Variants in ARHGAP35 observed in about 807,000 individuals in gnomAD.
The protein encoded by ARHGAP35 is Rho GTPase activating protein 35.
A neutral mutation model predicts 111.1 loss-of-function variants in ARHGAP35; 15 were observed. The ratio of observed to expected loss-of-function variants is 0.13; its 90% confidence interval spans 0.09 to 0.21. The LOEUF is 0.21. Ranked by LOEUF, ARHGAP35 falls within the 10% of genes least tolerant of loss-of-function variation. The pLI, the probability that ARHGAP35 is intolerant of heterozygous loss-of-function variation, is 1.00. For missense variants in ARHGAP35, 1,262 were observed against 1,873.0 expected (o/e 0.67, Z 6.02); for synonymous variants, 643 against 710.3 (o/e 0.91, Z 1.51).
intron 1 of ARHGAP35, among the ~76,000 whole-genome samples, chr19:46,887,830 T>C (rs954196660): frequency 6.6e-6 from 1 of 152,202 alleles, no homozygotes; most frequent in Non-Finnish European, 1.5e-5. Flanking sequence ...CTTTTCATTC[T>C]TTAGGTCTCT....
At chr19:46,883,756 G>A (rs1033748904) in intron 1 of ARHGAP35, among the ~76,000 whole-genome samples, 3 of 152,048 alleles carry the variant, frequency 2.0e-5, no homozygotes, top group Admixed American at 2.0e-4. Context: ...AAAAGGAATG[G>A]CAATAAAACG....
In ARHGAP35 at chr19:46,925,939, A is replaced by C. The variant is rs867128450; in HGVS notation, c.3681+3583A>C. ...TGGCATGAGGTAAGGAAGGACTTGA[A>C]GGTGGAAATATGCATATTGTATTCC... On this transcript the variant is annotated intron_variant, in intron 2 of 6. Coordinates refer to ENST00000672722, the MANE Select transcript of ARHGAP35 (RefSeq NM_004491.5). Among the ~76,000 whole-genome samples, 3 of 152,338 alleles carry C rather than the reference A, an allele frequency of 2.0e-5. No individual in the cohort carries two copies. In the South Asian group the frequency reaches 6.2e-4, roughly 32 times the overall value.
At chr19:46,980,003 C>T (rs527739935) in intron 3 of ARHGAP35, among the ~76,000 whole-genome samples, 8 of 152,238 alleles carry the variant, frequency 5.3e-5, no homozygotes, top group South Asian at 2.1e-4. Flanking sequence ...AGCGCTTCTG[C>T]GGAGAGACAC....
At chr19:46,878,695 C>A (rs919923255) in intron 1 of ARHGAP35, among the ~76,000 whole-genome samples, 12 of 152,130 alleles carry the variant, frequency 7.9e-5, no homozygotes, top group Admixed American at 2.6e-4. Context: ...GCCTGGAGTG[C>A]AGTGGTGTGG....
At chr19:46,981,434 G>A (rs1236983564) in intron 3 of ARHGAP35, among the ~76,000 whole-genome samples, 2 of 152,212 alleles carry the variant, frequency 1.3e-5, no homozygotes, top group Non-Finnish European at 2.9e-5. Context: ...CGTCTTGGAG[G>A]AAGTATTGAT....
At chr19:46,923,878 G>A (rs1412946265) in intron 2 of ARHGAP35, among the ~76,000 whole-genome samples, 3 of 149,086 alleles carry the variant, frequency 2.0e-5, no homozygotes, top group East Asian at 2.0e-4. Flanking sequence ...CCAAGTTCAC[G>A]ACACTGTATT....
At chr19:46,935,894 ATC>A (rs2056304781) in intron 2 of ARHGAP35, among the ~76,000 whole-genome samples, 1 of 152,208 alleles carries the variant, frequency 6.6e-6, no homozygotes, top group Non-Finnish European at 1.5e-5. Flanking sequence ...GAGGCAGAGT[ATC>A]TCAGTATTAA....
rs1179276818 is a variant in ARHGAP35 at position 46,908,211 on chromosome 19, A to G, written c.-188-10277A>G. On this transcript the variant is annotated intron_variant, in intron 1 of 6. Transcript: ENST00000672722. The surrounding 1 kb of genome is among the most constrained non-coding windows in gnomAD (Gnocchi z 4.2). Reference sequence around the variant, plus strand: ...TTTTAAAAAAAAATTAGTAGAGTATAACTGCTTAGAAGCAACTGCTGGAAT... The same window carrying G: ...TTTTAAAAAAAAATTAGTAGAGTATGACTGCTTAGAAGCAACTGCTGGAAT... Among the ~76,000 whole-genome samples the G allele has an allele frequency of 6.6e-6, 1 of 152,242 alleles. No homozygotes were observed. Among genetic ancestry groups the G allele is most frequent in the Non-Finnish European group, 1.5e-5 (1 of 68,038 alleles).
At chr19:46,866,918 G>C (rs553344540) in intron 1 of ARHGAP35, among the ~76,000 whole-genome samples, 2 of 152,244 alleles carry the variant, frequency 1.3e-5, no homozygotes, top group South Asian at 4.1e-4. Flanking sequence ...AGTCATTGTT[G>C]ACCTAGGCTC....
Position 46,945,739 on chromosome 19 carries a change from A to G in ARHGAP35, c.3826+8331A>G, listed in dbSNP as rs1280732157. Among the ~76,000 whole-genome samples the G allele has an allele frequency of 6.6e-6, 1 of 152,102 alleles. No individual in the cohort carries two copies. The highest frequency in any genetic ancestry group is 2.4e-5 in the African/African-American group (1 of 41,402). On this transcript the variant is annotated intron_variant, in intron 3 of 6. Coordinates refer to ENST00000672722, the MANE Select transcript of ARHGAP35 (RefSeq NM_004491.5). The surrounding 1 kb of genome is among the most constrained non-coding windows in gnomAD (Gnocchi z 4.1). ...CAGCCTCTCCTCAGCCTCACTTGCT[A>G]TTTAACTAGAAATAGCATTCTCTAC...
At chr19:46,881,722 C>T (rs2055963322) in intron 1 of ARHGAP35, among the ~76,000 whole-genome samples, 1 of 152,210 alleles carries the variant, frequency 6.6e-6, no homozygotes, top group African/African-American at 2.4e-5. Context: ...AAGTTACTAG[C>T]TGCATTTGTC....
intron 1 of ARHGAP35, among the ~76,000 whole-genome samples, chr19:46,871,814 A>G (rs1042436757): frequency 1.3e-5 from 2 of 151,810 alleles, no homozygotes; most frequent in African/African-American, 4.8e-5. Context: ...CCCTGTCTCT[A>G]CTAAAAACAC....
intron 2 of ARHGAP35, among the ~76,000 whole-genome samples, chr19:46,925,005 A>G (rs2056229973): frequency 6.6e-6 from 1 of 152,154 alleles, no homozygotes; most frequent in African/African-American, 2.4e-5. Context: ...CATGCTGGTA[A>G]TGAGCACTTC....
At chr19:46,987,965 A>C in intron 3 of ARHGAP35, 24 bp from the exon 4 acceptor site, 2 of 1,612,194 alleles carry the variant, frequency 1.2e-6, no homozygotes, top group Non-Finnish European at 1.7e-6. Context: ...TCCTGCTCCT[A>C]AGACCCTGCC....
intron 3 of ARHGAP35, among the ~76,000 whole-genome samples, chr19:46,970,044 G>C (rs2056536609): frequency 6.6e-6 from 1 of 152,188 alleles, no homozygotes; most frequent in Non-Finnish European, 1.5e-5. Flanking sequence ...GTGACCCATA[G>C]TAGGCACTCG....
chr19:46,979,959 G>A (rs1336273029), intron 3 of ARHGAP35, among the ~76,000 whole-genome samples: 1 of 152,140 alleles, frequency 6.6e-6, no homozygotes, highest in African/African-American at 2.4e-5. Context: ...AAGGCAGCAG[G>A]GGGAGCTGCG....
chr19:46,989,421 T>C lies in ARHGAP35; in HGVS notation c.3905-123T>C, dbSNP rs1250371427. ...TCACAAGTCCCACCCCTCCAATCCT[T>C]GCCAGTCCTGAGGCCGTCTCTGGCT... On this transcript the variant is annotated intron_variant, in intron 4 of 6. Transcript: ENST00000672722. The surrounding 1 kb of genome is among the most constrained non-coding windows in gnomAD (Gnocchi z 5.3). 7.6e-7 allele frequency: 1 copy of C among 1,315,354 alleles called. No individual in the cohort carries two copies. Among genetic ancestry groups the C allele is most frequent in the African/African-American group, 1.5e-5 (1 of 68,292 alleles). The allele number at this position is 1,315,354 out of a possible 1,614,324, so 81.5% of individuals were successfully genotyped here.
At chr19:46,865,116 A>G (rs530351443) in intron 1 of ARHGAP35, among the ~76,000 whole-genome samples, 3 of 152,304 alleles carry the variant, frequency 2.0e-5, no homozygotes, top group South Asian at 4.1e-4. Context: ...CAGCATTGCC[A>G]TTTGCTTTCA....
chr19:46,948,220 A>G (rs950670963), intron 3 of ARHGAP35: 6 of 152,208 alleles, frequency 3.9e-5, no homozygotes. Context: ...GGGGCCTAAC[A>G]CACCCAACAT....
Sources: allele counts gnomAD v4.1 joint callset (sites outside exome capture counted in the v4.1 genomes callset), GRCh38; gene constraint gnomAD v4.1.1; non-coding constraint Gnocchi (gnomAD v3.1); transcripts MANE v1.5; gene names NCBI Gene and HGNC (gene_info 2026-07-23, HGNC 2026-07-21).